NHERF1: variants seen among roughly 807,000 people sequenced by gnomAD.
NHERF1 encodes the protein Na(+)/H(+) exchange regulatory cofactor NHE-RF1.
the NHERF1 span, among the ~76,000 whole-genome samples, chr17:74,754,419 T>C: frequency 1.7e-4 from 24 of 140,538 alleles, no homozygotes; most frequent in African/African-American, 5.4e-4. Flanking sequence ...TTTTTTTTTT[T>C]CCTGAGACAG....
the NHERF1 span, among the ~76,000 whole-genome samples, chr17:74,755,286 T>A: frequency 6.6e-6 from 1 of 152,106 alleles, no homozygotes; most frequent in Non-Finnish European, 1.5e-5. Context: ...AGCCCATAAG[T>A]GGCAGGCTCC....
At chr17:74,749,214 C>G in the NHERF1 span, 1 of 1,524,664 alleles carries the variant, frequency 6.6e-7, no homozygotes, top group Non-Finnish European at 8.8e-7. This position sits in a 1 kb window ranked among gnomAD's most constrained non-coding sequence, Gnocchi z 5.6. Context: ...GCCGAGCCGC[C>G]GGCCGCCGCC....
chr17:74,751,036 A>G, the NHERF1 span, among the ~76,000 whole-genome samples: 1 of 152,152 alleles, frequency 6.6e-6, no homozygotes, highest in East Asian at 1.9e-4. The surrounding 1 kb of genome is among the most constrained non-coding windows in gnomAD (Gnocchi z 4.3). Flanking sequence ...ATCACCAGCC[A>G]AGTCCCAGGA....
chr17:74,751,024 C>T, the NHERF1 span, among the ~76,000 whole-genome samples: 22 of 152,298 alleles, frequency 1.4e-4, no homozygotes, highest in East Asian at 4.2e-3. The surrounding 1 kb of genome is among the most constrained non-coding windows in gnomAD (Gnocchi z 4.3). Context: ...CCTGGGGACA[C>T]CATCACCAGC....
At chr17:74,756,273 C>CTTTTTTTTTTTTTTTTTTTTTTTTT in the NHERF1 span, among the ~76,000 whole-genome samples, 5 of 71,992 alleles carry the variant, frequency 6.9e-5, no homozygotes, top group Non-Finnish European at 9.9e-5. Flanking sequence ...TTCTTTCTTT[C>CTTTTTTTTTTTTTTTTTTTTTTTTT]TTTTTTTTTT....
At chr17:74,761,952 CAGGGA>C in the NHERF1 span, 1 of 1,576,828 alleles carries the variant, frequency 6.3e-7, no homozygotes, top group Non-Finnish European at 8.7e-7. The surrounding 1 kb of genome is among the most constrained non-coding windows in gnomAD (Gnocchi z 4.3). Context: ...AGGCAGAGGA[CAGGGA>C]AGGCAGAACC....
chr17:74,763,648 C>T, the NHERF1 span: 7 of 926,140 alleles, frequency 7.6e-6, no homozygotes, highest in African/African-American at 8.2e-5. Context: ...GCTCCCTCCT[C>T]CTCCTTCATG....
the NHERF1 span, chr17:74,767,921 C>T: frequency 1.5e-6 from 1 of 659,238 alleles, no homozygotes; most frequent in Non-Finnish European, 2.8e-6. Context: ...CTGTTCCCAT[C>T]CCATCCCTCC....
At chr17:74,755,757 G>A in the NHERF1 span, among the ~76,000 whole-genome samples, 4 of 152,134 alleles carry the variant, frequency 2.6e-5, no homozygotes, top group African/African-American at 9.7e-5. Flanking sequence ...CACCAGCTTC[G>A]CGAGGCTCCC....
At chr17:74,762,117 G>A in the NHERF1 span, 1 of 1,614,204 alleles carries the variant, frequency 6.2e-7, no homozygotes, top group Non-Finnish European at 8.5e-7. The surrounding 1 kb of genome is among the most constrained non-coding windows in gnomAD (Gnocchi z 4.2). Flanking sequence ...CCGGTCAGTG[G>A]ACCCAGACTC....
At chr17:74,753,860 A>G in the NHERF1 span, among the ~76,000 whole-genome samples, 1 of 151,730 alleles carries the variant, frequency 6.6e-6, no homozygotes, top group Non-Finnish European at 1.5e-5. Flanking sequence ...GAAATTAATA[A>G]GAAACTCAGG....
At chr17:74,768,164 C>T in the NHERF1 span, 3 of 1,612,472 alleles carry the variant, frequency 1.9e-6, no homozygotes, top group Non-Finnish European at 2.5e-6. Flanking sequence ...GTCGTGAAGC[C>T]CTGGCAGAGG....
At chr17:74,762,888 G>A in the NHERF1 span, 1 of 161,348 alleles carries the variant, frequency 6.2e-6, no homozygotes, top group Admixed American at 5.9e-5. The surrounding 1 kb of genome is among the most constrained non-coding windows in gnomAD (Gnocchi z 4.2). Flanking sequence ...CGTGCATTCA[G>A]GGCTCTGGTG....
At chr17:74,766,323 A>G in the NHERF1 span, among the ~76,000 whole-genome samples, 1 of 151,852 alleles carries the variant, frequency 6.6e-6, no homozygotes, top group African/African-American at 2.4e-5. Flanking sequence ...CAGCCTCCCA[A>G]GTAGCTAGGA....
the NHERF1 span, chr17:74,748,873 G>T: frequency 9.4e-6 from 15 of 1,595,654 alleles, no homozygotes; most frequent in East Asian, 2.2e-5. This position sits in a 1 kb window ranked among gnomAD's most constrained non-coding sequence, Gnocchi z 4.3. Flanking sequence ...CGGCCGGGGC[G>T]CCCCTGCCCC....
chr17:74,757,178 G>A, the NHERF1 span, among the ~76,000 whole-genome samples: 1 of 152,216 alleles, frequency 6.6e-6, no homozygotes, highest in Non-Finnish European at 1.5e-5. Context: ...TAGCCAGAAG[G>A]AGAACCTGTT....
the NHERF1 span, among the ~76,000 whole-genome samples, chr17:74,766,310 C>T: frequency 6.6e-6 from 1 of 152,050 alleles, no homozygotes; most frequent in Non-Finnish European, 1.5e-5. Context: ...AATTTTCCCA[C>T]CTCAGCCTCC....
the NHERF1 span, chr17:74,766,960 A>T: frequency 2.2e-5 from 35 of 1,613,840 alleles, no homozygotes; most frequent in African/African-American, 5.3e-5. Flanking sequence ...CCCTTCACCA[A>T]TGGGGAGATA....
the NHERF1 span, among the ~76,000 whole-genome samples, chr17:74,757,739 A>G: frequency 6.6e-6 from 1 of 152,126 alleles, no homozygotes. Flanking sequence ...TACTCCTGAC[A>G]CACACACCCC....
Sources: allele counts gnomAD v4.1 joint callset (sites outside exome capture counted in the v4.1 genomes callset), GRCh38; gene constraint gnomAD v4.1.1; non-coding constraint Gnocchi (gnomAD v3.1); transcripts MANE v1.5; gene names NCBI Gene and HGNC (gene_info 2026-07-23, HGNC 2026-07-21).